The following EPB41 variants were observed in gnomAD, a reference collection of about 807,000 sequenced individuals.
EPB41 encodes protein 4.1.
EPB41 carries 65 observed loss-of-function variants against 108.0 expected under a neutral mutation model. That is an observed-to-expected ratio of 0.60 (90% CI 0.49 to 0.74). EPB41 has a LOEUF of 0.74. EPB41 is among the 30% of genes least tolerant of loss of function. The pLI, the probability that EPB41 is intolerant of heterozygous loss-of-function variation, is 0.00. For synonymous variants in EPB41, 336 were observed against 358.9 expected (o/e 0.94, Z 0.72); for missense variants, 875 against 1,037.0 (o/e 0.84, Z 2.15).
intron 1 of EPB41, among the ~76,000 whole-genome samples, chr1:28,961,230 A>C (rs2095201510): frequency 6.6e-6 from 1 of 152,136 alleles, no homozygotes; most frequent in Non-Finnish European, 1.5e-5. Flanking sequence ...ACTCTGAATG[A>C]GGGCCAAAAG....
chr1:28,945,340 A>G (rs1474899260), intron 1 of EPB41, among the ~76,000 whole-genome samples: 2 of 152,062 alleles, frequency 1.3e-5, no homozygotes, highest in African/African-American at 2.4e-5. Context: ...TTTTATTTGG[A>G]GGGGTGGGTG....
chr1:29,079,260 G>A (rs1238868844), intron 16 of EPB41, among the ~76,000 whole-genome samples: 1 of 152,010 alleles, frequency 6.6e-6, no homozygotes, highest in Non-Finnish European at 1.5e-5. Flanking sequence ...GTCTCCCAAA[G>A]TGCTGGGATT....
intron 1 of EPB41, chr1:28,889,765 A>C: frequency 1.0e-6 from 1 of 981,964 alleles, no homozygotes; most frequent in Non-Finnish European, 1.2e-6. Context: ...AGGAATCCTG[A>C]GCCCAGGTGT....
At chr1:28,894,132 C>A (rs948640281) in intron 1 of EPB41, among the ~76,000 whole-genome samples, 2 of 152,152 alleles carry the variant, frequency 1.3e-5, no homozygotes, top group Admixed American at 1.3e-4. Context: ...CTCAGTTTCA[C>A]GTCTGCAAAA....
intron 4 of EPB41, among the ~76,000 whole-genome samples, chr1:29,008,159 T>A (rs749220640): frequency 3.9e-5 from 6 of 152,224 alleles, no homozygotes; most frequent in Non-Finnish European, 7.3e-5. Flanking sequence ...TCCACCCAGT[T>A]GCCCAAGCCA....
chr1:28,889,378 TC>T (rs2089843953), intron 1 of EPB41, among the ~76,000 whole-genome samples: 1 of 152,164 alleles, frequency 6.6e-6, no homozygotes. Flanking sequence ...TGGGTGATAC[TC>T]ATTGAGGCCA....
intron 1 of EPB41, among the ~76,000 whole-genome samples, chr1:28,935,470 C>CCA (rs1557725657): frequency 1.2e-5 from 1 of 80,342 alleles, no homozygotes; most frequent in Non-Finnish European, 2.7e-5. Flanking sequence ...CACACACACC[C>CCA]CCCCCCCCCC....
intron 1 of EPB41, among the ~76,000 whole-genome samples, chr1:28,954,760 C>T (rs2094877656): frequency 6.6e-6 from 1 of 152,146 alleles, no homozygotes. Context: ...AGCACATTCC[C>T]TATATGTCAC....
rs957370292 is a variant in EPB41, at chr1:28,914,707, C to T, written c.-69C>T. The T allele has an allele frequency of 2.6e-5, 4 of 152,452 alleles. No individual in the cohort carries two copies. The highest frequency in any genetic ancestry group is 9.7e-5 in the African/African-American group (4 of 41,406). 9.4% of individuals were successfully genotyped at this position (152,452 alleles called of 1,614,324 possible). ...CGAGCCTCGGACGCCGGCGCCTCCTCCTGCCATTGTTCGTCGGGCTGCAGC... is the reference window on the plus strand; with the variant it reads ...CGAGCCTCGGACGCCGGCGCCTCCTTCTGCCATTGTTCGTCGGGCTGCAGC... On this transcript the variant is annotated 5_prime_UTR_variant, in exon 1 of 21. Coordinates refer to ENST00000343067, the MANE Select transcript of EPB41 (RefSeq NM_001376013.1).
intron 9 of EPB41, among the ~76,000 whole-genome samples, chr1:29,035,244 A>G (rs768456425): frequency 2.0e-5 from 3 of 152,010 alleles, no homozygotes; most frequent in Non-Finnish European, 4.4e-5. Flanking sequence ...CGGCCTCCCA[A>G]AGTGCTGGGA....
intron 11 of EPB41, among the ~76,000 whole-genome samples, chr1:29,042,275 T>C (rs1391962689): frequency 3.3e-5 from 5 of 152,118 alleles, no homozygotes; most frequent in African/African-American, 1.2e-4. Flanking sequence ...ATAGTGAGAG[T>C]CCCTGCCCTC....
intron 17 of EPB41, 27 bp from the exon 18 acceptor site, chr1:29,109,309 G>C: frequency 6.3e-7 from 1 of 1,578,126 alleles, no homozygotes; most frequent in Middle Eastern, 1.7e-4. Context: ...TGAGAGGCAT[G>C]ATGATGAGCC....
In EPB41 at chr1:28,946,057, A is replaced by G. The variant is rs193054400; in HGVS notation, c.-8+31289A>G. Among the ~76,000 whole-genome samples, 142 of 152,332 alleles carry G rather than the reference A, an allele frequency of 9.3e-4. 1 individual carries two copies. Among genetic ancestry groups the G allele is most frequent in the African/African-American group, 3.0e-3 (125 of 41,578 alleles). On this transcript the variant is annotated intron_variant, in intron 1 of 20. Transcript: ENST00000343067. ...AGATCCATACTGTGAATGAATGAAT[A>G]TAAGAGTGAAAACGCTGCTGACAAA...
chr1:29,007,235 T>C (rs1011187050), intron 4 of EPB41, among the ~76,000 whole-genome samples: 13 of 152,082 alleles, frequency 8.5e-5, no homozygotes, highest in Non-Finnish European at 1.8e-4. Context: ...TACTGTATAA[T>C]ATAATATTTC....
intron 4 of EPB41, among the ~76,000 whole-genome samples, chr1:29,007,427 G>A (rs1426327314): frequency 6.6e-6 from 1 of 152,178 alleles, no homozygotes; most frequent in African/African-American, 2.4e-5. Flanking sequence ...GGATTTTAGA[G>A]AAGGCATATG....
rs34413393 is a variant in EPB41, at chr1:29,061,572, G to GTTTTT, written c.2007+1110_2007+1114dup. ...GCGTGAGCCACTGCGCCTGGCCTTT[G>GTTTTT]TTTTTTTTTTTTTTTTTTTTTTTTT... On this transcript the variant is annotated intron_variant, in intron 15 of 20. Coordinates refer to ENST00000343067, the MANE Select transcript of EPB41 (RefSeq NM_001376013.1). Among the ~76,000 whole-genome samples, 17 of 64,050 alleles carry GTTTTT rather than the reference G, an allele frequency of 2.7e-4. 2 individuals carry two copies. Among genetic ancestry groups the GTTTTT allele is most frequent in the Admixed American group, 7.2e-4 (3 of 4,184 alleles). The allele number at this position is 64,050 out of a possible 152,430, so 42.0% of individuals were successfully genotyped here.
intron 1 of EPB41, among the ~76,000 whole-genome samples, chr1:28,901,667 G>T (rs1450560195): frequency 7.2e-5 from 11 of 152,018 alleles, no homozygotes; most frequent in Admixed American, 5.9e-4. Context: ...CTGAGTAGCT[G>T]GGATTACAGG....
chr1:28,959,932 C>T (rs1163945023), intron 1 of EPB41, among the ~76,000 whole-genome samples: 2 of 151,242 alleles, frequency 1.3e-5, no homozygotes, highest in African/African-American at 2.4e-5. Flanking sequence ...CCTGCCTTGA[C>T]CTCCCTCCCA....
intron 15 of EPB41, 67 bp downstream of exon 15, chr1:29,060,551 C>G (rs897175756): frequency 2.1e-6 from 3 of 1,406,610 alleles, no homozygotes; most frequent in Non-Finnish European, 3.0e-6. Flanking sequence ...TGCTGATCCC[C>G]TTTTCTTCAT....
Sources: gnomAD v4.1 joint callset for allele counts (sites outside exome capture counted in the v4.1 genomes callset) on GRCh38, gnomAD v4.1.1 for gene constraint, MANE v1.5 for transcripts, NCBI Gene and HGNC (gene_info 2026-07-23, HGNC 2026-07-21) for gene names.